CERS3: variants seen among roughly 807,000 people sequenced by gnomAD.
CERS3 encodes the protein LAG1 homolog, ceramide synthase 3.
Under a neutral mutation model 50.3 loss-of-function variants are expected in CERS3, and 33 were observed. The observed-to-expected ratio is 0.66, with a 90% CI of 0.50 to 0.88. CERS3 has a LOEUF of 0.88. Ranked by LOEUF, CERS3 falls within the 40% of genes least tolerant of loss-of-function variation. CERS3 has a pLI of 0.00. For missense variants in CERS3, 470 were observed against 460.3 expected (o/e 1.02, Z -0.19); for synonymous variants, 176 against 155.2 (o/e 1.13, Z -0.99).
Position 100,402,604 on chromosome 15 carries a change from TGGTGAGAAAGA to T in CERS3, c.*98_*108del. 9.5e-7 allele frequency: 1 copy of T among 1,051,444 alleles called. No individual in the cohort carries two copies. The highest frequency in any genetic ancestry group is 1.4e-6 in the Non-Finnish European group (1 of 727,252). 65.1% of individuals were successfully genotyped at this position (1,051,444 alleles called of 1,614,324 possible). A position where few individuals can be genotyped will look rare whatever the true frequency, so the allele number is the denominator to read the frequency against. On this transcript the variant is annotated 3_prime_UTR_variant, in exon 12 of 12. Coordinates refer to ENST00000679737, the MANE Select transcript of CERS3 (RefSeq NM_001378789.1). Reference sequence around the variant, plus strand: ...ACATCTTAGGTGGGAGGGAAGGCGGTGGTGAGAAAGAGGGAAGGGCAGAATGTGGGGTCGGT... The same window carrying T: ...ACATCTTAGGTGGGAGGGAAGGCGGTGGGAAGGGCAGAATGTGGGGTCGGT...
chr15:100,417,551 T>A (rs12594871), intron 11 of CERS3, among the ~76,000 whole-genome samples: 3,443 of 151,758 alleles, frequency 0.023, 69 homozygotes, highest in Middle Eastern at 0.034. Context: ...TAAAGCAGCC[T>A]GGAAGCTCGA....
intron 11 of CERS3, among the ~76,000 whole-genome samples, chr15:100,454,254 G>A (rs929886619): frequency 6.6e-6 from 1 of 152,066 alleles, no homozygotes; most frequent in Admixed American, 6.6e-5. Flanking sequence ...GTGAAGTGTG[G>A]TGGCATGGGC....
Position 100,483,781 on chromosome 15 carries a change from A to ATTTTTTTTTTT in CERS3, c.407+768_407+769insAAAAAAAAAAA, listed in dbSNP as rs1267906519. ...AGGATCAATAATAATAATAATTATTATTATTATTTTTTTTTTTGAGACAGA... is the reference window on the plus strand; with the variant it reads ...AGGATCAATAATAATAATAATTATTATTTTTTTTTTTTTATTATTTTTTTTTTTGAGACAGA... On this transcript the variant is annotated intron_variant, in intron 5 of 11. Coordinates refer to ENST00000679737, the MANE Select transcript of CERS3 (RefSeq NM_001378789.1). Among the ~76,000 whole-genome samples the ATTTTTTTTTTT allele has an allele frequency of 6.4e-3, 497 of 77,474 alleles. 70 individuals are homozygous for ATTTTTTTTTTT. In the East Asian group the frequency reaches 0.068, roughly 11 times the overall value. The allele number at this position is 77,474 out of a possible 152,430, so 50.8% of individuals were successfully genotyped here.
chr15:100,422,396 C>T (rs28805571), intron 11 of CERS3, among the ~76,000 whole-genome samples: 48,364 of 99,882 alleles, frequency 0.48, 11,238 homozygotes, highest in Middle Eastern at 0.56. Context: ...TACCATCTCA[C>T]ACCAGTTAGA....
upstream of CERS3, among the ~76,000 whole-genome samples, chr15:100,533,479 GTTCTT>G (rs202179368): frequency 5.6e-3 from 853 of 151,410 alleles, 10 homozygotes; most frequent in East Asian, 0.041. Context: ...AATTCATTGG[GTTCTT>G]TTCTTTTCTT....
At chr15:100,534,796 T>A (rs1172186081) in intron 1 of CERS3, among the ~76,000 whole-genome samples, 1 of 151,970 alleles carries the variant, frequency 6.6e-6, no homozygotes, top group Non-Finnish European at 1.5e-5. Flanking sequence ...ATCATAATTA[T>A]AATCATAATC....
intron 4 of CERS3, 55 bp from the exon 5 acceptor site, chr15:100,484,723 G>T: frequency 7.8e-7 from 1 of 1,287,228 alleles, no homozygotes. Flanking sequence ...CAGACTGGCA[G>T]GCAGACAAGA....
intron 2 of CERS3, among the ~76,000 whole-genome samples, chr15:100,503,453 G>C (rs900579954): frequency 6.6e-6 from 1 of 152,206 alleles, no homozygotes; most frequent in Non-Finnish European, 1.5e-5. Context: ...GCGTTTGCTT[G>C]CATTCCATGC....
chr15:100,429,802 T>C (rs1283626567), intron 11 of CERS3, among the ~76,000 whole-genome samples: 1 of 152,192 alleles, frequency 6.6e-6, no homozygotes, highest in African/African-American at 2.4e-5. Flanking sequence ...TTGTACAATA[T>C]GTGTAACACA....
chr15:100,510,548 C>G (rs115069846), intron 2 of CERS3, among the ~76,000 whole-genome samples: 32 of 152,240 alleles, frequency 2.1e-4, no homozygotes, highest in African/African-American at 7.7e-4. Context: ...AGTTACACAC[C>G]CCCAGCCTCC....
At chr15:100,502,495 A>G (rs934575774) in intron 2 of CERS3, among the ~76,000 whole-genome samples, 25 of 152,314 alleles carry the variant, frequency 1.6e-4, no homozygotes, top group Non-Finnish European at 3.4e-4. Flanking sequence ...GTATAAAAAA[A>G]TAACAATAGG....
In CERS3 at chr15:100,501,856, G is replaced by A. The variant is rs1352310886; in HGVS notation, c.-1-6C>T. 1 of 1,613,398 alleles carries A rather than the reference G, an allele frequency of 6.2e-7. No homozygotes were observed. Among genetic ancestry groups the A allele is most frequent in the Non-Finnish European group, 8.5e-7 (1 of 1,179,666 alleles). On this transcript the variant is annotated splice_polypyrimidine_tract_variant and splice_region_variant and intron_variant, in intron 2 of 11. Transcript: ENST00000679737. ...CTTTAAACGTCCAAAACATTCTAGA[G>A]AAATGGAAACAGACATTAGGCTTGT...
chr15:100,458,371 G>A (rs2034442913), intron 10 of CERS3, among the ~76,000 whole-genome samples: 1 of 152,024 alleles, frequency 6.6e-6, no homozygotes, highest in African/African-American at 2.4e-5. Context: ...CATTACCTGA[G>A]GTCAGGAGTT....
rs887763651 is a variant in CERS3, at chr15:100,401,497, G to A, written c.*1216C>T. The A allele has an allele frequency of 4.6e-5, 7 of 152,366 alleles. No individual in the cohort carries two copies. The highest frequency in any genetic ancestry group is 1.7e-4 in the African/African-American group (7 of 41,460). The allele number at this position is 152,366 out of a possible 1,614,324, so 9.4% of individuals were successfully genotyped here. The stretch of plus-strand genomic sequence containing the variant: ...CCCTATCCCTCCTCCCAGGGAGCTG[G>A]CACTGACTCTAGCACCTGCCCTTAA... On this transcript the variant is annotated 3_prime_UTR_variant, in exon 12 of 12. Transcript: ENST00000679737.
At chr15:100,503,391 ATATGATCACCCTCAT>A (rs2036068750) in intron 2 of CERS3, among the ~76,000 whole-genome samples, 1 of 152,184 alleles carries the variant, frequency 6.6e-6, no homozygotes, top group African/African-American at 2.4e-5. Context: ...ACAATAAATC[ATATGATCACCCTCAT>A]TAAAATGCTG....
intron 2 of CERS3, among the ~76,000 whole-genome samples, chr15:100,507,292 G>A (rs1313845565): frequency 2.6e-5 from 4 of 152,282 alleles, no homozygotes; most frequent in South Asian, 4.1e-4. Flanking sequence ...AGATAAGGGT[G>A]GTCATAGACT....
At chr15:100,413,012 C>A (rs1376206679) in intron 11 of CERS3, among the ~76,000 whole-genome samples, 1 of 152,036 alleles carries the variant, frequency 6.6e-6, no homozygotes, top group Non-Finnish European at 1.5e-5. Context: ...GATAAAAATG[C>A]ATAGATTTTT....
chr15:100,516,923 T>C (rs902894151), intron 2 of CERS3, among the ~76,000 whole-genome samples: 2 of 152,216 alleles, frequency 1.3e-5, no homozygotes, highest in African/African-American at 4.8e-5. Context: ...GGACAAGACA[T>C]GTGAGAACCC....
intron 5 of CERS3, among the ~76,000 whole-genome samples, chr15:100,483,984 G>A (rs950544710): frequency 6.6e-6 from 1 of 151,352 alleles, no homozygotes; most frequent in Admixed American, 6.6e-5. Context: ...GTCTCACCAT[G>A]GTCTTGATCT....
Sources: allele counts gnomAD v4.1 joint callset (sites outside exome capture counted in the v4.1 genomes callset), GRCh38; gene constraint gnomAD v4.1.1; transcripts MANE v1.5; gene names NCBI Gene and HGNC (gene_info 2026-07-23, HGNC 2026-07-21).